Variants in NELL1 observed in about 807,000 individuals in gnomAD.
NELL1 encodes neural EGFL like 1.
A neutral mutation model predicts 107.4 loss-of-function variants in NELL1; 76 were observed. The observed-to-expected ratio is 0.71, with a 90% CI of 0.59 to 0.86. The LOEUF (loss-of-function observed/expected upper bound fraction) is 0.86. NELL1 is among the 40% of genes least tolerant of loss of function. The probability of loss-of-function intolerance (pLI) is 0.00; values close to 1 mark genes in which losing one functional copy is unlikely to be tolerated. For missense variants in NELL1, 1,024 were observed against 1,005.5 expected (o/e 1.02, Z -0.25); for synonymous variants, 353 against 341.2 (o/e 1.03, Z -0.38).
chr11:20,943,098 A>T (rs1005466744), intron 10 of NELL1, among the ~76,000 whole-genome samples: 2 of 151,804 alleles, frequency 1.3e-5, no homozygotes, highest in African/African-American at 4.8e-5. Flanking sequence ...TGGGGCAGAC[A>T]GATTATTCTC....
chr11:21,209,918 A>ACTAATTTACATTCTGCTT (rs1191240936), intron 13 of NELL1, among the ~76,000 whole-genome samples: 4 of 152,152 alleles, frequency 2.6e-5, no homozygotes, highest in Admixed American at 6.6e-5. Flanking sequence ...CTTGATAACT[A>ACTAATTTACATTCTGCTT]CTAATTTACA....
At chr11:20,672,265 C>G (rs1029481044) in intron 1 of NELL1, among the ~76,000 whole-genome samples, 1 of 152,222 alleles carries the variant, frequency 6.6e-6, no homozygotes, top group African/African-American at 2.4e-5. Context: ...TGATTATCAG[C>G]ATCCAAACAG....
intron 15 of NELL1, among the ~76,000 whole-genome samples, chr11:21,505,717 C>A (rs931237940): frequency 6.6e-6 from 1 of 152,182 alleles, no homozygotes; most frequent in Non-Finnish European, 1.5e-5. Context: ...TAATTCTCAT[C>A]TTTATCTAAT....
At chr11:21,411,558 A>ACT (rs1852377091) in intron 15 of NELL1, among the ~76,000 whole-genome samples, 1 of 152,104 alleles carries the variant, frequency 6.6e-6, no homozygotes, top group South Asian at 2.1e-4. Context: ...TTGCACTGAA[A>ACT]CTACAGTGAG....
intron 13 of NELL1, among the ~76,000 whole-genome samples, chr11:21,174,489 T>G (rs1427574872): frequency 1.3e-5 from 2 of 151,844 alleles, no homozygotes; most frequent in East Asian, 3.9e-4. Flanking sequence ...TAGCCCACTA[T>G]TTTTCATTTC....
chr11:20,751,049 G>GTT (rs1479488550), intron 2 of NELL1, among the ~76,000 whole-genome samples: 347 of 152,226 alleles, frequency 2.3e-3, no homozygotes, highest in African/African-American at 7.9e-3. Flanking sequence ...GTTTGTGTGT[G>GTT]TGTGTGTATA....
intron 14 of NELL1, among the ~76,000 whole-genome samples, chr11:21,261,381 G>T (rs1332850720): frequency 4.6e-5 from 7 of 151,504 alleles, no homozygotes; most frequent in Admixed American, 4.6e-4. Flanking sequence ...CCAGTGTGTT[G>T]TTCCCCTCTA....
At chr11:21,458,623 G>C (rs1853811836) in intron 15 of NELL1, among the ~76,000 whole-genome samples, 1 of 152,050 alleles carries the variant, frequency 6.6e-6, no homozygotes, top group African/African-American at 2.4e-5. Flanking sequence ...CAAAAAAGCT[G>C]AATGCAGAGT....
At chr11:20,761,100 G>C (rs535169849) in intron 2 of NELL1, among the ~76,000 whole-genome samples, 2 of 152,338 alleles carry the variant, frequency 1.3e-5, no homozygotes, top group Non-Finnish European at 2.9e-5. Context: ...ATGAGAGTGT[G>C]TTTGAGGTTG....
intron 12 of NELL1, among the ~76,000 whole-genome samples, chr11:21,073,573 C>T (rs1006211034): frequency 5.3e-5 from 8 of 152,092 alleles, no homozygotes; most frequent in Non-Finnish European, 1.0e-4. Flanking sequence ...GCTTAAAGCC[C>T]ATGTATGGCA....
intron 14 of NELL1, among the ~76,000 whole-genome samples, chr11:21,370,481 C>T (rs747332464): frequency 2.6e-5 from 4 of 151,944 alleles, no homozygotes; most frequent in Non-Finnish European, 4.4e-5. Context: ...GATTAGGTTA[C>T]AAAATAGTGA....
rs147600226 is a variant in NELL1, at chr11:20,773,227, G to A, written c.185-10453G>A. Reference sequence around the variant, plus strand: ...TGCAGCACCAGGGTTCTTTTGGCATGGTGGCTGCTGCCATAGCTTGGTACC... The same window carrying A: ...TGCAGCACCAGGGTTCTTTTGGCATAGTGGCTGCTGCCATAGCTTGGTACC... On this transcript the variant is annotated intron_variant, in intron 2 of 19. Coordinates refer to ENST00000357134, the MANE Select transcript of NELL1 (RefSeq NM_006157.5). Among the ~76,000 whole-genome samples, 605 of 152,256 alleles carry A rather than the reference G, an allele frequency of 4.0e-3. 2 individuals carry two copies. The highest frequency in any genetic ancestry group is 0.014 in the African/African-American group (577 of 41,568).
intron 12 of NELL1, among the ~76,000 whole-genome samples, chr11:21,093,088 A>G (rs1439466870): frequency 6.6e-6 from 1 of 152,140 alleles, no homozygotes; most frequent in Non-Finnish European, 1.5e-5. Flanking sequence ...GGGAGGAGGA[A>G]AAGCCCGATT....
intron 2 of NELL1, among the ~76,000 whole-genome samples, chr11:20,717,026 A>G (rs1855268519): frequency 6.6e-6 from 1 of 152,202 alleles, no homozygotes; most frequent in Non-Finnish European, 1.5e-5. Context: ...GTATTCATTC[A>G]TTTGCTATTG....
At chr11:21,434,031 T>A (rs537932644) in intron 15 of NELL1, among the ~76,000 whole-genome samples, 1 of 152,332 alleles carries the variant, frequency 6.6e-6, no homozygotes, top group African/African-American at 2.4e-5. Context: ...GCCCATTTTT[T>A]AATGGGATTA....
chr11:20,736,204 A>C (rs1855757206), intron 2 of NELL1, among the ~76,000 whole-genome samples: 1 of 152,038 alleles, frequency 6.6e-6, no homozygotes, highest in African/African-American at 2.4e-5. Flanking sequence ...AAAAGAGGAA[A>C]ATAAATGAGG....
intron 16 of NELL1, among the ~76,000 whole-genome samples, chr11:21,545,922 AG>A (rs1856430517): frequency 6.6e-6 from 1 of 152,046 alleles, no homozygotes; most frequent in East Asian, 2.0e-4. Context: ...GTAAGGGCCT[AG>A]TGATCTGTGT....
At chr11:20,709,627 T>C (rs1855061921) in intron 2 of NELL1, among the ~76,000 whole-genome samples, 1 of 152,182 alleles carries the variant, frequency 6.6e-6, no homozygotes, top group Non-Finnish European at 1.5e-5. Flanking sequence ...AGATTGCTTT[T>C]GGCACTAAGG....
intron 7 of NELL1, among the ~76,000 whole-genome samples, chr11:20,926,232 G>A (rs114484593): frequency 0.019 from 2,879 of 152,224 alleles, 88 homozygotes; most frequent in African/African-American, 0.065. Flanking sequence ...TCATATCAAA[G>A]TGCTGTATTT....
Sources: allele counts gnomAD v4.1 joint callset (sites outside exome capture counted in the v4.1 genomes callset), GRCh38; gene constraint gnomAD v4.1.1; transcripts MANE v1.5; gene names NCBI Gene and HGNC (gene_info 2026-07-23, HGNC 2026-07-21).